The following ZNF385D variants were observed in gnomAD, a reference collection of about 807,000 sequenced individuals.
The protein encoded by ZNF385D is zinc finger protein 659.
ZNF385D carries 15 observed loss-of-function variants against 35.8 expected under a neutral mutation model. The ratio of observed to expected loss-of-function variants is 0.42; its 90% CI spans 0.28 to 0.64. The LOEUF (loss-of-function observed/expected upper bound fraction) is 0.64. ZNF385D is among the 30% of genes least tolerant of loss of function. The probability of loss-of-function intolerance (pLI) is 0.23; values close to 1 mark genes in which losing one functional copy is unlikely to be tolerated. For missense variants in ZNF385D, 474 were observed against 494.6 expected, an observed-to-expected ratio of 0.96 and a Z score of 0.39; for synonymous variants, 212 against 186.8, an observed-to-expected ratio of 1.13 and a Z score of -1.10.
chr3:21,840,454 C>T (rs1230947337), intron 3 of ZNF385D, among the ~76,000 whole-genome samples: 1 of 152,074 alleles, frequency 6.6e-6, no homozygotes, highest in African/African-American at 2.4e-5. Context: ...CGACATTGCA[C>T]TCCTTCCTTT....
At chr3:22,348,500 A>AAG (rs1695763588) in intron 2 of ZNF385D, among the ~76,000 whole-genome samples, 1 of 150,722 alleles carries the variant, frequency 6.6e-6, no homozygotes, top group Admixed American at 6.6e-5. Flanking sequence ...AAAAAAAAAA[A>AAG]AAAAAAATAC....
At position 21,420,913 on chromosome 3, in the gene ZNF385D, G is replaced by GC; in HGVS notation, c.*300dup. 3.4e-6 allele frequency: 1 copy of GC among 296,564 alleles called. No individual in the cohort carries two copies. Among genetic ancestry groups the GC allele is most frequent in the African/African-American group, 2.1e-5 (1 of 47,466 alleles). The allele number at this position is 296,564 out of a possible 1,614,324, so 18.4% of individuals were successfully genotyped here. A position where few individuals can be genotyped will look rare whatever the true frequency, so the allele number is the denominator to read the frequency against. On this transcript the variant is annotated 3_prime_UTR_variant, in exon 8 of 8. Coordinates refer to ENST00000281523, the MANE Select transcript of ZNF385D (RefSeq NM_024697.3). The stretch of plus-strand genomic sequence containing the variant: ...ACAGACAATGCAGAGGGAAATAGGT[G>GC]CCCAAAAGCACAGTCACAGAGGCTT...
chr3:21,827,847 G>C (rs1694741271), intron 3 of ZNF385D, among the ~76,000 whole-genome samples: 1 of 152,166 alleles, frequency 6.6e-6, no homozygotes, highest in African/African-American at 2.4e-5. Context: ...TAAATACATA[G>C]TTCAGAAAGA....
chr3:21,936,659 C>T (rs1701274032), intron 3 of ZNF385D, among the ~76,000 whole-genome samples: 1 of 151,986 alleles, frequency 6.6e-6, no homozygotes, highest in Non-Finnish European at 1.5e-5. Flanking sequence ...TCTTATTTTA[C>T]AGCCATGTAT....
At chr3:21,542,466 G>C (rs2062206464) in intron 3 of ZNF385D, among the ~76,000 whole-genome samples, 1 of 151,590 alleles carries the variant, frequency 6.6e-6, no homozygotes, top group African/African-American at 2.4e-5. Context: ...TCAAACCTCT[G>C]CTTCTCAAGT....
intron 1 of ZNF385D, among the ~76,000 whole-genome samples, chr3:21,678,501 G>C (rs145631820): frequency 6.6e-6 from 1 of 151,992 alleles, no homozygotes. Context: ...AAACCCAAAC[G>C]TTTTGTAGAA....
chr3:21,640,958 A>C (rs2065587349), intron 2 of ZNF385D, among the ~76,000 whole-genome samples: 1 of 152,062 alleles, frequency 6.6e-6, no homozygotes, highest in South Asian at 2.1e-4. Flanking sequence ...TCAGAGGTAT[A>C]TGAAGGAGTG....
At chr3:21,737,503 G>C (rs541876347) in intron 1 of ZNF385D, among the ~76,000 whole-genome samples, 2 of 151,498 alleles carry the variant, frequency 1.3e-5, no homozygotes, top group Admixed American at 1.3e-4. Context: ...ACATAAGATA[G>C]ATAGATACGT....
At position 21,822,926 on chromosome 3, in the gene ZNF385D, T is replaced by C. The variant is rs944053873; in HGVS notation, c.326-157898A>G. Among the ~76,000 whole-genome samples the C allele has an allele frequency of 9.9e-5, 15 of 152,130 alleles. No homozygotes were observed. In the East Asian group the frequency reaches 1.9e-3, roughly 20 times the overall value. On this transcript the variant is annotated intron_variant, in intron 3 of 5. Transcript: ENST00000494108. ...GAGATATGGGCATATAGTATAAAACTGTAAATTAAAAAAAGCAAATGAATT... is the reference window on the plus strand; with the variant it reads ...GAGATATGGGCATATAGTATAAAACCGTAAATTAAAAAAAGCAAATGAATT...
At chr3:21,693,340 T>C (rs1362608599) in intron 1 of ZNF385D, among the ~76,000 whole-genome samples, 1 of 152,230 alleles carries the variant, frequency 6.6e-6, no homozygotes, top group Non-Finnish European at 1.5e-5. Context: ...CTGAGCCTAG[T>C]TGCCCATATC....
chr3:21,449,371 C>T (rs942853413), intron 4 of ZNF385D, among the ~76,000 whole-genome samples: 5 of 151,720 alleles, frequency 3.3e-5, no homozygotes, highest in Non-Finnish European at 5.9e-5. Flanking sequence ...GATCTTGTTA[C>T]GTAAGAGTTA....
At chr3:21,788,682 G>C (rs534800326) in intron 3 of ZNF385D, among the ~76,000 whole-genome samples, 1 of 152,122 alleles carries the variant, frequency 6.6e-6, no homozygotes, top group Non-Finnish European at 1.5e-5. Flanking sequence ...TTGATTCGGG[G>C]GCATATGTGC....
At chr3:22,371,884 C>A (rs867915225) in intron 2 of ZNF385D, among the ~76,000 whole-genome samples, 2 of 152,082 alleles carry the variant, frequency 1.3e-5, no homozygotes, top group Non-Finnish European at 2.9e-5. Context: ...TCATCCTGCC[C>A]TCAAAACGCG....
intron 1 of ZNF385D, among the ~76,000 whole-genome samples, chr3:21,745,068 G>T (rs1186738239): frequency 2.6e-5 from 4 of 152,038 alleles, no homozygotes; most frequent in Non-Finnish European, 5.9e-5. Context: ...GAGTGCTGAG[G>T]ACATAGATTA....
intron 3 of ZNF385D, among the ~76,000 whole-genome samples, chr3:22,139,278 G>T (rs544164206): frequency 7.2e-4 from 110 of 152,278 alleles, no homozygotes; most frequent in African/African-American, 2.4e-3. Flanking sequence ...TATACCCAAA[G>T]AATTATATAT....
chr3:21,467,561 A>G (rs1278465198), intron 4 of ZNF385D, among the ~76,000 whole-genome samples: 1 of 152,230 alleles, frequency 6.6e-6, no homozygotes, highest in Non-Finnish European at 1.5e-5. Context: ...AAACATGCTG[A>G]CTTGAATTCA....
intron 3 of ZNF385D, among the ~76,000 whole-genome samples, chr3:21,920,442 GATATTACAGACAGAA>G: frequency 6.6e-6 from 1 of 152,060 alleles, no homozygotes; most frequent in Non-Finnish European, 1.5e-5. Flanking sequence ...TTAATGTACA[GATATTACAGACAGAA>G]ATATTAGTAG....
At chr3:21,546,903 C>T (rs533720058) in intron 3 of ZNF385D, among the ~76,000 whole-genome samples, 44 of 152,084 alleles carry the variant, frequency 2.9e-4, no homozygotes, top group African/African-American at 9.2e-4. Context: ...GTCGCTGGAG[C>T]TCGTGGATGC....
intron 2 of ZNF385D, among the ~76,000 whole-genome samples, chr3:22,239,511 C>T (rs972694376): frequency 1.3e-5 from 2 of 148,696 alleles, no homozygotes; most frequent in Non-Finnish European, 2.9e-5. Context: ...CATACTACCA[C>T]ATATACAAAA....
Sources: gnomAD v4.1 joint callset for allele counts (sites outside exome capture counted in the v4.1 genomes callset) on GRCh38, gnomAD v4.1.1 for gene constraint, MANE v1.5 for transcripts, NCBI Gene and HGNC (gene_info 2026-07-23, HGNC 2026-07-21) for gene names.